Variants in IGFL4 observed in about 807,000 individuals in gnomAD.
IGFL4 encodes the protein insulin growth factor-like family member 4.
IGFL4 carries 12 observed loss-of-function variants against 15.4 expected under a neutral mutation model. The observed-to-expected ratio is 0.78, with a 90% confidence interval of 0.50 to 1.26. IGFL4 has a LOEUF of 1.26. Ranked by LOEUF, IGFL4 falls within the 50% of genes most tolerant of loss-of-function variation. IGFL4 has a pLI of 0.00. For missense variants in IGFL4, 126 were observed against 147.8 expected (o/e 0.85, Z 0.76); for synonymous variants, 54 against 55.9 (o/e 0.97, Z 0.16).
Position 46,056,442 on chromosome 19 carries a change from A to G in IGFL4, c.-323+3743T>C, listed in dbSNP as rs190998846. 3.3e-5 allele frequency among the ~76,000 whole-genome samples: 5 copies of G among 152,322 alleles called. No homozygotes were observed. In the East Asian group the frequency reaches 7.7e-4, roughly 23 times the overall value. On this transcript the variant is annotated intron_variant, in intron 2 of 5. Transcript: ENST00000601672. ...ACTGGAATTAAGAGGCATTTCAATTATTCTCCAATTCCATCTTGTACTGCA... is the reference window on the plus strand; with the variant it reads ...ACTGGAATTAAGAGGCATTTCAATTGTTCTCCAATTCCATCTTGTACTGCA...
At chr19:46,056,869 A>C (rs1018525148) in intron 2 of IGFL4, among the ~76,000 whole-genome samples, 5 of 152,218 alleles carry the variant, frequency 3.3e-5, no homozygotes, top group African/African-American at 4.8e-5. Context: ...TCACCGAAGG[A>C]GGACACAAAT....
At chr19:46,059,428 A>G (rs1025565586) in intron 2 of IGFL4, 3 of 152,148 alleles carry the variant, frequency 2.0e-5, no homozygotes, top group Admixed American at 2.0e-4. Flanking sequence ...CAGGGTAGAG[A>G]GGAGCTCAGA....
intron 1 of IGFL4, among the ~76,000 whole-genome samples, chr19:46,064,903 AC>A (rs1391658985): frequency 1.3e-5 from 2 of 152,206 alleles, no homozygotes; most frequent in Non-Finnish European, 2.9e-5. Flanking sequence ...TTACATTCCT[AC>A]CAACAGTGTA....
intron 1 of IGFL4, among the ~76,000 whole-genome samples, chr19:46,067,832 G>C (rs916436138): frequency 2.0e-5 from 3 of 152,180 alleles, no homozygotes; most frequent in Non-Finnish European, 2.9e-5. Context: ...AACCAGATCT[G>C]TGACATCATG....
Position 46,040,715 on chromosome 19 carries a change from T to C in IGFL4, c.20-147A>G. The C allele has an allele frequency of 9.7e-7, 1 of 1,030,458 alleles. No homozygotes were observed. Among genetic ancestry groups the C allele is most frequent in the Non-Finnish European group, 1.5e-6 (1 of 676,222 alleles). The allele number at this position is 1,030,458 out of a possible 1,614,324, so 63.8% of individuals were successfully genotyped here. A position where few individuals can be genotyped will look rare whatever the true frequency, so the allele number is the denominator to read the frequency against. ...GGCTGTGGGTGCAGGTCCTGGGGAC[T>C]GGGCTTGGCAGGTGAGGAAAGGCAG... On this transcript the variant is annotated intron_variant, in intron 1 of 3. Transcript: ENST00000377697. This position sits in a 1 kb window ranked among gnomAD's most constrained non-coding sequence, Gnocchi z 4.1.
intron 1 of IGFL4, among the ~76,000 whole-genome samples, chr19:46,070,469 C>T (rs550401020): frequency 2.0e-5 from 3 of 151,904 alleles, no homozygotes; most frequent in African/African-American, 4.8e-5. Flanking sequence ...CTCACAATAC[C>T]AAGCATTAAA....
At chr19:46,070,035 T>G (rs960112998) in intron 1 of IGFL4, among the ~76,000 whole-genome samples, 3 of 152,200 alleles carry the variant, frequency 2.0e-5, no homozygotes, top group Non-Finnish European at 2.9e-5. Flanking sequence ...GCTTGTTTTG[T>G]TCACTAAGCT....
chr19:46,057,484 A>C (rs900012582), intron 2 of IGFL4, among the ~76,000 whole-genome samples: 2 of 152,166 alleles, frequency 1.3e-5, no homozygotes, highest in African/African-American at 2.4e-5. Flanking sequence ...GTATAATAAT[A>C]ATTATTATTT....
At chr19:46,071,695 G>A (rs1251310730) in intron 1 of IGFL4, among the ~76,000 whole-genome samples, 1 of 152,184 alleles carries the variant, frequency 6.6e-6, no homozygotes, top group Non-Finnish European at 1.5e-5. Flanking sequence ...GAAAATAACA[G>A]CCAACAAAGA....
chr19:46,069,445 A>G (rs11881207), intron 1 of IGFL4, among the ~76,000 whole-genome samples: 1 of 152,182 alleles, frequency 6.6e-6, no homozygotes, highest in Admixed American at 6.5e-5. Flanking sequence ...AATTTTTATC[A>G]TGCTTCCTAC....
intron 2 of IGFL4, among the ~76,000 whole-genome samples, chr19:46,050,714 G>T (rs1402054948): frequency 6.6e-6 from 1 of 152,228 alleles, no homozygotes; most frequent in African/African-American, 2.4e-5. Flanking sequence ...TCCGGAGGAA[G>T]AAGAGAAATC....
At chr19:46,048,856 T>C (rs1189750990) in intron 2 of IGFL4, among the ~76,000 whole-genome samples, 3 of 152,218 alleles carry the variant, frequency 2.0e-5, no homozygotes, top group East Asian at 3.8e-4. Flanking sequence ...AAGTAACTTA[T>C]AGATTCAATG....
chr19:46,066,138 C>T, intron 1 of IGFL4, among the ~76,000 whole-genome samples: 1 of 152,154 alleles, frequency 6.6e-6, no homozygotes, highest in East Asian at 1.9e-4. Context: ...CTACCATCTT[C>T]TTGAAAGCCT....
At chr19:46,060,763 C>T (rs1568714651) in intron 1 of IGFL4, among the ~76,000 whole-genome samples, 1 of 152,158 alleles carries the variant, frequency 6.6e-6, no homozygotes, top group African/African-American at 2.4e-5. Flanking sequence ...TACACAAATA[C>T]AGCCCAAAGA....
intron 1 of IGFL4, among the ~76,000 whole-genome samples, chr19:46,071,380 C>T (rs1159804856): frequency 1.3e-5 from 2 of 152,216 alleles, no homozygotes; most frequent in East Asian, 1.9e-4. Context: ...GTTTCCAGTA[C>T]TCCTCTTATA....
intron 2 of IGFL4, chr19:46,057,888 T>A (rs1338973854): frequency 1.3e-5 from 2 of 152,160 alleles, no homozygotes; most frequent in Non-Finnish European, 2.9e-5. Flanking sequence ...CCCGTCCCCA[T>A]GATTTAATTA....
intron 1 of IGFL4, among the ~76,000 whole-genome samples, chr19:46,068,531 T>G (rs1399131564): frequency 2.0e-5 from 3 of 152,242 alleles, no homozygotes; most frequent in Non-Finnish European, 4.4e-5. Flanking sequence ...GCTTTGTTGA[T>G]TCTGTAACCA....
At position 46,040,254 on chromosome 19, in the gene IGFL4, T is replaced by C. The variant is rs1279395027; in HGVS notation, c.233A>G (p.Glu78Gly). The C allele has an allele frequency of 1.2e-5, 20 of 1,613,954 alleles. No individual in the cohort carries two copies. The highest frequency in any genetic ancestry group is 1.7e-5 in the Non-Finnish European group (20 of 1,180,016). Residue 78 changes from glutamate to glycine, a missense_variant, in exon 3 of 4, where the codon GAG becomes GGG. Glu to Gly is a moderately conservative substitution (Grantham distance 98, BLOSUM62 -2). Transcript: ENST00000377697. This position sits in a 1 kb window ranked among gnomAD's most constrained non-coding sequence, Gnocchi z 4.1. Reference sequence around the variant, plus strand: ...TGTCTGGTTCTGAGAGCCCAAAGACTCCAGGCAGCAGTGCTGGAAGCAGGG... The same window carrying C: ...TGTCTGGTTCTGAGAGCCCAAAGACCCCAGGCAGCAGTGCTGGAAGCAGGG... Reference protein sequence around the residue: ...FWPCFQHCCLESLGSQNQTVV... With the variant: ...FWPCFQHCCLGSLGSQNQTVV...
intron 2 of IGFL4, among the ~76,000 whole-genome samples, chr19:46,053,499 ATT>A (rs1281887405): frequency 6.6e-6 from 1 of 151,934 alleles, no homozygotes; most frequent in Non-Finnish European, 1.5e-5. Context: ...TATATACCAT[ATT>A]TTCTTTATTC....
Sources: allele counts gnomAD v4.1 joint callset (sites outside exome capture counted in the v4.1 genomes callset), GRCh38; gene constraint gnomAD v4.1.1; non-coding constraint Gnocchi (gnomAD v3.1); transcripts MANE v1.5; gene names NCBI Gene and HGNC (gene_info 2026-07-23, HGNC 2026-07-21).